The following RANBP2 variants were observed in gnomAD, a reference collection of about 807,000 sequenced individuals.
The protein encoded by RANBP2 is E3 SUMO-protein ligase RanBP2.
In RANBP2, 57 loss-of-function variants were observed where a neutral mutation model predicts 303.6. The ratio of observed to expected loss-of-function variants is 0.19; its 90% CI spans 0.15 to 0.23. RANBP2 has a LOEUF of 0.23. Ranked by LOEUF, RANBP2 falls within the 10% of genes least tolerant of loss-of-function variation. The pLI is 1.00. For synonymous variants in RANBP2, 1,167 were observed against 1,301.5 expected (o/e 0.90, Z 2.23); for missense variants, 3,138 against 3,780.8 (o/e 0.83, Z 4.46).
the RANBP2 span, chr2:108,798,337 A>T: frequency 2.1e-6 from 3 of 1,435,074 alleles, no homozygotes; most frequent in Non-Finnish European, 2.8e-6. Context: ...CCTGAAAACC[A>T]CTTGGTTAAA....
chr2:108,984,463 C>A, the RANBP2 span, among the ~76,000 whole-genome samples: 1 of 152,002 alleles, frequency 6.6e-6, no homozygotes, highest in Admixed American at 6.6e-5. Context: ...CCTGGTTCTC[C>A]TCTCCTCTCC....
chr2:108,721,696 C>T (rs1181793677), intron 1 of RANBP2, among the ~76,000 whole-genome samples: 1 of 152,148 alleles, frequency 6.6e-6, no homozygotes, highest in Non-Finnish European at 1.5e-5. Flanking sequence ...ATTTCCCCGC[C>T]TCCACTTCCC....
chr2:109,379,493 TAA>T, the RANBP2 span, among the ~76,000 whole-genome samples: 5 of 152,204 alleles, frequency 3.3e-5, no homozygotes, highest in Non-Finnish European at 7.3e-5. Context: ...CCGCTGCTTC[TAA>T]GAGTCAGGAC....
chr2:109,228,470 A>G, the RANBP2 span, among the ~76,000 whole-genome samples: 15 of 152,218 alleles, frequency 9.9e-5, no homozygotes, highest in African/African-American at 3.4e-4. Flanking sequence ...TTGCCACACC[A>G]AGCAATTCTC....
the RANBP2 span, among the ~76,000 whole-genome samples, chr2:109,148,411 G>A: frequency 1.3e-5 from 2 of 152,164 alleles, no homozygotes; most frequent in East Asian, 1.9e-4. Flanking sequence ...TCTTAAAGGC[G>A]TTCTTTTTTT....
the RANBP2 span, chr2:109,347,792 G>GGTAC: frequency 6.2e-7 from 1 of 1,613,978 alleles, no homozygotes; most frequent in Non-Finnish European, 8.5e-7. Flanking sequence ...GATGAACAGT[G>GGTAC]GTACCACGGC....
chr2:108,965,426 C>T, the RANBP2 span, among the ~76,000 whole-genome samples: 1 of 147,980 alleles, frequency 6.8e-6, no homozygotes, highest in Non-Finnish European at 1.5e-5. Context: ...GGTCACGCCA[C>T]TGCACTCCAA....
chr2:108,948,335 C>A, the RANBP2 span, among the ~76,000 whole-genome samples: 2 of 152,234 alleles, frequency 1.3e-5, no homozygotes, highest in Non-Finnish European at 2.9e-5. Context: ...TTCCTGTCTT[C>A]TTCTGAGCTT....
At chr2:108,925,602 A>C in the RANBP2 span, among the ~76,000 whole-genome samples, 12 of 152,000 alleles carry the variant, frequency 7.9e-5, no homozygotes, top group East Asian at 1.7e-3. Flanking sequence ...TCAGTTAAGG[A>C]ATATTGAAAG....
the RANBP2 span, among the ~76,000 whole-genome samples, chr2:108,811,247 C>CTTTTTTTTTTTTTT: frequency 4.6e-4 from 52 of 113,888 alleles, 1 homozygote; most frequent in African/African-American, 1.9e-3. Flanking sequence ...TTCTCTCTCT[C>CTTTTTTTTTTTTTT]TTTTTTTTTT....
the RANBP2 span, chr2:109,419,458 A>G: frequency 4.9e-5 from 68 of 1,400,870 alleles, no homozygotes; most frequent in East Asian, 1.6e-3. Flanking sequence ...GCACCTGTGG[A>G]TGCAGCCTCA....
chr2:108,974,345 A>G, the RANBP2 span, among the ~76,000 whole-genome samples: 1 of 151,280 alleles, frequency 6.6e-6, no homozygotes, highest in Admixed American at 6.6e-5. Flanking sequence ...AAAAAAAAAA[A>G]AAAAAAAAAG....
the RANBP2 span, among the ~76,000 whole-genome samples, chr2:109,210,054 G>A: frequency 6.6e-6 from 1 of 152,202 alleles, no homozygotes; most frequent in African/African-American, 2.4e-5. Flanking sequence ...GAGTCAAACA[G>A]TATTTGTCCT....
chr2:109,409,944 G>A, the RANBP2 span, among the ~76,000 whole-genome samples: 1 of 152,140 alleles, frequency 6.6e-6, no homozygotes, highest in Admixed American at 6.5e-5. Flanking sequence ...ACATTTAAAT[G>A]AGGAGATGTT....
chr2:109,503,542 G>A, the RANBP2 span: 1 of 152,112 alleles, frequency 6.6e-6, no homozygotes, highest in Non-Finnish European at 1.5e-5. Flanking sequence ...TGTGTGCCAG[G>A]TTAATGACAA....
the RANBP2 span, among the ~76,000 whole-genome samples, chr2:109,679,609 A>G: frequency 6.6e-6 from 1 of 152,330 alleles, no homozygotes; most frequent in Admixed American, 6.5e-5. Context: ...AGCTGCCTGC[A>G]GTAATCTCTG....
chr2:109,672,180 T>C, the RANBP2 span, among the ~76,000 whole-genome samples: 1 of 152,228 alleles, frequency 6.6e-6, no homozygotes, highest in East Asian at 1.9e-4. Flanking sequence ...ATTTAGTTCC[T>C]TGAATAGCTA....
chr2:109,614,855 G>A, the RANBP2 span: 5 of 1,398,458 alleles, frequency 3.6e-6, no homozygotes, highest in Middle Eastern at 2.6e-4. Context: ...CCGACGCGGC[G>A]GCCCCGGAGT....
At chr2:109,076,584 A>G in the RANBP2 span, among the ~76,000 whole-genome samples, 2 of 150,634 alleles carry the variant, frequency 1.3e-5, no homozygotes, top group Non-Finnish European at 3.0e-5. Flanking sequence ...ACAAAAATTA[A>G]TAGCATTTCC....
Sources: gnomAD v4.1 joint callset for allele counts (sites outside exome capture counted in the v4.1 genomes callset) on GRCh38, gnomAD v4.1.1 for gene constraint, MANE v1.5 for transcripts, NCBI Gene and HGNC (gene_info 2026-07-23, HGNC 2026-07-21) for gene names.